The following MRTFB variants were observed in gnomAD, a reference collection of about 807,000 sequenced individuals.
MRTFB encodes myocardin related transcription factor B.
A neutral mutation model predicts 104.2 loss-of-function variants in MRTFB; 29 were observed. That is an observed-to-expected ratio of 0.28 (90% CI 0.21 to 0.38). The LOEUF (loss-of-function observed/expected upper bound fraction) is 0.38, where lower values mean the gene tolerates loss of function less well. Among genes scored for constraint, MRTFB ranks in the 10% least tolerant of loss-of-function variants. MRTFB has a pLI of 1.00. For synonymous variants in MRTFB, 535 were observed against 519.5 expected, an observed-to-expected ratio of 1.03 and a Z score of -0.41; for missense variants, 1,270 against 1,341.6, an observed-to-expected ratio of 0.95 and a Z score of 0.83.
At chr16:14,245,278 CA>C (rs1276818191) in intron 10 of MRTFB, among the ~76,000 whole-genome samples, 2 of 152,142 alleles carry the variant, frequency 1.3e-5, no homozygotes, top group African/African-American at 4.8e-5. Context: ...GATTCATGGC[CA>C]TTCTTGGTCC....
At chr16:14,061,247 G>A in the MRTFB span, among the ~76,000 whole-genome samples, 1 of 152,188 alleles carries the variant, frequency 6.6e-6, no homozygotes, top group Non-Finnish European at 1.5e-5. Context: ...CGCCATCCTG[G>A]GCATTGCTAT....
rs761878614 is a variant in MRTFB, at chr16:14,247,163, G to A, written c.1903G>A (p.Gly635Ser). 5 of 1,614,088 alleles carry A rather than the reference G, an allele frequency of 3.1e-6. No homozygotes were observed. In the Middle Eastern group the frequency reaches 5.0e-4, roughly 160 times the overall value. Residue 635 changes from glycine (G) to serine (S), a missense_variant, in exon 12 of 17, where the codon GGC (glycine) becomes AGC (serine). By Grantham distance (56) the Gly-to-Ser change is moderately conservative. Around this residue, in one of 3 missense-constraint regions of MRTFB, gnomAD observed 1,144 missense variants for 1,131.5 expected, o/e 1.01. Coordinates refer to ENST00000571589, the MANE Select transcript of MRTFB (RefSeq NM_001308142.2). ...VKSDQKHGSL[G>S]SSIKDEASLP... is the part of the protein sequence containing the mutation. Reference sequence around the variant, plus strand: ...GTCAGATCAGAAGCACGGCAGCCTTGGCTCCTCCATCAAAGATGAGGCCTC... The same window carrying A: ...GTCAGATCAGAAGCACGGCAGCCTTAGCTCCTCCATCAAAGATGAGGCCTC...
chr16:14,078,617 G>A (rs866438792), intron 1 of MRTFB, among the ~76,000 whole-genome samples: 4 of 149,354 alleles, frequency 2.7e-5, no homozygotes, highest in Non-Finnish European at 4.4e-5. Flanking sequence ...TTTTTAAAGA[G>A]ACGGTATTAC....
intron 3 of MRTFB, among the ~76,000 whole-genome samples, chr16:14,168,558 T>C (rs1388548295): frequency 6.6e-6 from 1 of 152,242 alleles, no homozygotes; most frequent in East Asian, 1.9e-4. Context: ...TAATGTTGTA[T>C]GTATCAATCC....
At chr16:14,038,666 C>G in the MRTFB span, among the ~76,000 whole-genome samples, 14 of 152,278 alleles carry the variant, frequency 9.2e-5, no homozygotes, top group African/African-American at 3.1e-4. Flanking sequence ...TACCCTCAAA[C>G]TTAGTGGCTT....
intron 3 of MRTFB, among the ~76,000 whole-genome samples, chr16:14,156,721 T>C (rs1048880587): frequency 1.3e-5 from 2 of 152,222 alleles, no homozygotes; most frequent in East Asian, 1.9e-4. Flanking sequence ...TTTTCTCTTA[T>C]AGAAATATTG....
At chr16:14,152,624 G>C (rs1005775234) in intron 3 of MRTFB, 1 of 152,116 alleles carries the variant, frequency 6.6e-6, no homozygotes, top group Non-Finnish European at 1.5e-5. Context: ...GGAGCCTGGA[G>C]AACTTAAGGA....
chr16:14,031,316 G>A, the MRTFB span, among the ~76,000 whole-genome samples: 1 of 151,968 alleles, frequency 6.6e-6, no homozygotes, highest in Non-Finnish European at 1.5e-5. Context: ...TCTGGAACCT[G>A]GGAGGCGGAG....
At chr16:14,017,593 G>GTATATATA in the MRTFB span, among the ~76,000 whole-genome samples, 7 of 59,082 alleles carry the variant, frequency 1.2e-4, no homozygotes, top group African/African-American at 2.0e-4. Context: ...ACTGACTACA[G>GTATATATA]TATATATATA....
chr16:14,252,676 A>G (rs1269147124), intron 15 of MRTFB, among the ~76,000 whole-genome samples, 174 bp downstream of exon 15: 1 of 152,212 alleles, frequency 6.6e-6, no homozygotes, highest in African/African-American at 2.4e-5. Context: ...TATCATGAAG[A>G]CCTTAAACAG....
At chr16:14,059,459 A>G in the MRTFB span, among the ~76,000 whole-genome samples, 1 of 152,064 alleles carries the variant, frequency 6.6e-6, no homozygotes, top group Admixed American at 6.6e-5. Flanking sequence ...GTCATGGCTG[A>G]TATTTTAGTA....
At chr16:14,051,868 T>C in the MRTFB span, among the ~76,000 whole-genome samples, 1 of 152,190 alleles carries the variant, frequency 6.6e-6, no homozygotes, top group African/African-American at 2.4e-5. Context: ...CTCCACCTTT[T>C]TTCTGATCAG....
chr16:14,101,449 A>T (rs1204031374), intron 2 of MRTFB, among the ~76,000 whole-genome samples: 1 of 152,142 alleles, frequency 6.6e-6, no homozygotes, highest in Admixed American at 6.5e-5. Flanking sequence ...GACCAAACCC[A>T]AATTATTAGT....
chr16:14,191,009 A>G (rs1442554359), intron 3 of MRTFB, among the ~76,000 whole-genome samples: 1 of 152,242 alleles, frequency 6.6e-6, no homozygotes, highest in African/African-American at 2.4e-5. Flanking sequence ...TTGAGAAGAA[A>G]ATGAACATTT....
the MRTFB span, among the ~76,000 whole-genome samples, chr16:13,997,052 C>G: frequency 6.6e-6 from 1 of 152,188 alleles, no homozygotes. Context: ...CTCATTCTAC[C>G]TCATTTGGGT....
At chr16:14,067,220 C>CTTT (rs1236193770), upstream of MRTFB, among the ~76,000 whole-genome samples, 3 of 127,992 alleles carry the variant, frequency 2.3e-5, no homozygotes, top group Non-Finnish European at 3.4e-5. Context: ...TGTTAACCCT[C>CTTT]TTTTTTTTTT....
the MRTFB span, among the ~76,000 whole-genome samples, chr16:14,014,111 G>T: frequency 6.6e-5 from 10 of 152,234 alleles, no homozygotes; most frequent in South Asian, 1.2e-3. Flanking sequence ...CTCCCCTAGG[G>T]CCAAGAACAC....
chr16:14,250,055 A>G (rs540306828), intron 13 of MRTFB, among the ~76,000 whole-genome samples: 3 of 152,334 alleles, frequency 2.0e-5, no homozygotes, highest in African/African-American at 7.2e-5. Flanking sequence ...TGTTAAGACA[A>G]TTTGTTTTAG....
At chr16:14,098,608 GT>G (rs2142033025) in intron 2 of MRTFB, among the ~76,000 whole-genome samples, 1 of 152,272 alleles carries the variant, frequency 6.6e-6, no homozygotes, top group African/African-American at 2.4e-5. Context: ...TGTTTTTGGT[GT>G]TAGAACTAGG....
Sources: allele counts gnomAD v4.1 joint callset (sites outside exome capture counted in the v4.1 genomes callset), GRCh38; gene constraint gnomAD v4.1.1; regional missense constraint gnomAD v4.1.1; transcripts MANE v1.5; gene names NCBI Gene and HGNC (gene_info 2026-07-23, HGNC 2026-07-21).